MACROD2: variants seen among roughly 807,000 people sequenced by gnomAD.
MACROD2 encodes the protein ADP-ribose glycohydrolase MACROD2.
MACROD2 carries 36 observed loss-of-function variants against 70.4 expected under a neutral mutation model. The ratio of observed to expected loss-of-function variants is 0.51; its 90% CI spans 0.39 to 0.68. MACROD2 has a LOEUF of 0.68. Ranked by LOEUF, MACROD2 falls within the 30% of genes least tolerant of loss-of-function variation. MACROD2 has a pLI of 0.00. For synonymous variants in MACROD2, 172 were observed against 178.8 expected (o/e 0.96, Z 0.30); for missense variants, 496 against 538.4 (o/e 0.92, Z 0.78).
intron 6 of MACROD2, among the ~76,000 whole-genome samples, chr20:15,408,191 C>T (rs142375996): frequency 4.1e-4 from 63 of 152,336 alleles, no homozygotes; most frequent in African/African-American, 1.4e-3. Flanking sequence ...AAATCAACTT[C>T]ACAATGCCAT....
chr20:15,490,257 CTTCCCTTCT>C (rs1043097765), intron 7 of MACROD2, among the ~76,000 whole-genome samples: 3 of 146,358 alleles, frequency 2.0e-5, no homozygotes, highest in Non-Finnish European at 3.0e-5. Context: ...CTTCCCTTCC[CTTCCCTTCT>C]TTCTCTCTTT....
chr20:15,708,409 G>A (rs1046943423), intron 8 of MACROD2, among the ~76,000 whole-genome samples: 1 of 152,166 alleles, frequency 6.6e-6, no homozygotes, highest in Non-Finnish European at 1.5e-5. Flanking sequence ...ATGCAACTGA[G>A]GGATGTGAGG....
chr20:14,029,048 T>C (rs957352832), intron 2 of MACROD2, among the ~76,000 whole-genome samples: 11 of 152,214 alleles, frequency 7.2e-5, no homozygotes, highest in African/African-American at 2.7e-4. Flanking sequence ...ACTTTCTTCA[T>C]GTTACCGGAT....
chr20:14,317,052 A>AC (rs1568551801), intron 3 of MACROD2, among the ~76,000 whole-genome samples: 4 of 152,186 alleles, frequency 2.6e-5, no homozygotes, highest in African/African-American at 7.2e-5. Flanking sequence ...CTACGTCTTG[A>AC]TCACTGAGTG....
intron 8 of MACROD2, among the ~76,000 whole-genome samples, chr20:15,680,805 T>C (rs1418245456): frequency 6.6e-6 from 1 of 152,150 alleles, no homozygotes; most frequent in Non-Finnish European, 1.5e-5. Context: ...AGTGATGATA[T>C]CATAACAATA....
rs1200016231 is a variant in MACROD2 at position 15,272,004 on chromosome 20, T to C, written c.540+41943T>C. Reference sequence around the variant, plus strand: ...TAAAGCATTGCCTAACACAGAATTATATTTTTAGAGAAAAATGAAACACAT... The same window carrying C: ...TAAAGCATTGCCTAACACAGAATTACATTTTTAGAGAAAAATGAAACACAT... On this transcript the variant is annotated intron_variant, in intron 6 of 17. Coordinates refer to ENST00000684519, the MANE Select transcript of MACROD2 (RefSeq NM_001351661.2). Among the ~76,000 whole-genome samples the C allele has an allele frequency of 5.3e-5, 8 of 152,368 alleles. 1 individual carries two copies. Among genetic ancestry groups the C allele is most frequent in the African/African-American group, 2.4e-5 (1 of 41,596 alleles).
rs553001992 is a variant in MACROD2, at chr20:14,989,752, T to C, written c.419-240188T>C. Among the ~76,000 whole-genome samples the C allele has an allele frequency of 2.6e-5, 4 of 152,276 alleles. No homozygotes were observed. The East Asian group carries it at 7.7e-4, about 29-fold the overall frequency. ...TAGGTGAAATCTAGGTCAAATCCAG[T>C]GCTATGTTGGGTCCGGTCCGTTTTA... On this transcript the variant is annotated intron_variant, in intron 5 of 17. Transcript: ENST00000684519.
At chr20:15,302,032 G>T (rs991989431) in intron 6 of MACROD2, among the ~76,000 whole-genome samples, 19 of 152,082 alleles carry the variant, frequency 1.2e-4, no homozygotes, top group African/African-American at 4.6e-4. Context: ...CAATCTGCTT[G>T]TTGGCAGATC....
At position 15,616,394 on chromosome 20, in the gene MACROD2, G is replaced by A. The variant is rs1463957214; in HGVS notation, c.645+116547G>A. On this transcript the variant is annotated intron_variant, in intron 8 of 17. Transcript: ENST00000684519. ...GCTAGGATTATAGGCGTGAGCCACCGTGCCCAGCCAGTTCCCCATTCTTTA... is the reference window on the plus strand; with the variant it reads ...GCTAGGATTATAGGCGTGAGCCACCATGCCCAGCCAGTTCCCCATTCTTTA... Among the ~76,000 whole-genome samples the A allele has an allele frequency of 3.3e-5, 5 of 151,874 alleles. 1 individual carries two copies. In the South Asian group the frequency reaches 6.2e-4, roughly 19 times the overall value.
At chr20:14,600,608 C>T (rs1238934688) in intron 4 of MACROD2, among the ~76,000 whole-genome samples, 2 of 151,996 alleles carry the variant, frequency 1.3e-5, no homozygotes, top group African/African-American at 4.8e-5. Flanking sequence ...GTATTATTTT[C>T]ATTTTACAGG....
intron 5 of MACROD2, among the ~76,000 whole-genome samples, chr20:14,956,747 T>C (rs1204076434): frequency 6.6e-6 from 1 of 152,158 alleles, no homozygotes; most frequent in African/African-American, 2.4e-5. Flanking sequence ...ATTTTAGTGT[T>C]AGACAATTGC....
intron 3 of MACROD2, among the ~76,000 whole-genome samples, chr20:14,439,538 A>G (rs1317136765): frequency 1.3e-5 from 2 of 152,148 alleles, no homozygotes; most frequent in Non-Finnish European, 2.9e-5. Flanking sequence ...GAAATTGTTG[A>G]GAGACAGCAT....
intron 10 of MACROD2, among the ~76,000 whole-genome samples, chr20:15,932,956 G>C (rs1184400939): frequency 6.6e-6 from 1 of 152,194 alleles, no homozygotes; most frequent in Non-Finnish European, 1.5e-5. Context: ...AGGGAGAAAA[G>C]TGGACTGGAG....
chr20:15,761,474 C>T (rs192210135), intron 8 of MACROD2, among the ~76,000 whole-genome samples: 317 of 152,232 alleles, frequency 2.1e-3, no homozygotes, highest in African/African-American at 7.2e-3. Flanking sequence ...TTTAATTGTG[C>T]AAGAGATAAC....
chr20:15,333,009 A>G (rs2078009415), intron 6 of MACROD2, among the ~76,000 whole-genome samples: 1 of 151,648 alleles, frequency 6.6e-6, no homozygotes, highest in South Asian at 2.1e-4. Flanking sequence ...GTAAAACCCA[A>G]TGGGTAGATG....
chr20:15,304,761 A>G (rs535363901), intron 6 of MACROD2, among the ~76,000 whole-genome samples: 9 of 152,246 alleles, frequency 5.9e-5, no homozygotes, highest in South Asian at 2.1e-4. Flanking sequence ...TATTTAGCCA[A>G]TCGGGTCTAG....
chr20:14,014,665 A>G (rs537946531), intron 2 of MACROD2, among the ~76,000 whole-genome samples: 3 of 152,192 alleles, frequency 2.0e-5, no homozygotes, highest in South Asian at 4.2e-4. Context: ...TCCTGCAGAT[A>G]TATCTGTTCT....
intron 6 of MACROD2, among the ~76,000 whole-genome samples, chr20:15,288,686 G>T (rs2077513704): frequency 6.6e-6 from 1 of 152,076 alleles, no homozygotes; most frequent in African/African-American, 2.4e-5. Flanking sequence ...TCGGACTCTG[G>T]AACTTGCACC....
intron 4 of MACROD2, among the ~76,000 whole-genome samples, chr20:14,570,426 GA>G (rs1470263161): frequency 2.0e-5 from 3 of 151,924 alleles, no homozygotes; most frequent in Non-Finnish European, 4.4e-5. Flanking sequence ...TTGGTTACCT[GA>G]GTATGTTCAC....
Sources: gnomAD v4.1 joint callset for allele counts (sites outside exome capture counted in the v4.1 genomes callset) on GRCh38, gnomAD v4.1.1 for gene constraint, MANE v1.5 for transcripts, NCBI Gene and HGNC (gene_info 2026-07-23, HGNC 2026-07-21) for gene names.